The following MACROD2 variants were observed in gnomAD, a reference collection of about 807,000 sequenced individuals.
The protein encoded by MACROD2 is ADP-ribose glycohydrolase MACROD2.
A neutral mutation model predicts 70.4 loss-of-function variants in MACROD2; 36 were observed. The observed-to-expected ratio is 0.51, with a 90% CI of 0.39 to 0.68. MACROD2 has a LOEUF of 0.68. MACROD2 is among the 30% of genes least tolerant of loss of function. MACROD2 has a pLI of 0.00. For synonymous variants in MACROD2, 172 were observed against 178.8 expected (o/e 0.96, Z 0.30); for missense variants, 496 against 538.4 (o/e 0.92, Z 0.78).
chr20:15,667,731 G>C (rs551468569), intron 8 of MACROD2, among the ~76,000 whole-genome samples: 1 of 152,222 alleles, frequency 6.6e-6, no homozygotes, highest in East Asian at 1.9e-4. Flanking sequence ...TGTTGTTACT[G>C]TTGTTGAAAC....
intron 8 of MACROD2, among the ~76,000 whole-genome samples, chr20:15,854,484 T>A (rs1448496531): frequency 1.3e-5 from 2 of 152,150 alleles, no homozygotes; most frequent in African/African-American, 2.4e-5. Context: ...AGGTGAGGAC[T>A]CTAGTGCAAC....
At chr20:14,781,529 G>A (rs2123786545) in intron 5 of MACROD2, among the ~76,000 whole-genome samples, 1 of 149,772 alleles carries the variant, frequency 6.7e-6, no homozygotes, top group East Asian at 2.0e-4. Flanking sequence ...ATCTGTGTAT[G>A]GAGTGATTGG....
chr20:15,344,233 A>G (rs2078139726), intron 6 of MACROD2, among the ~76,000 whole-genome samples: 1 of 152,048 alleles, frequency 6.6e-6, no homozygotes, highest in Admixed American at 6.6e-5. Flanking sequence ...CCTACTTTGG[A>G]GGCTCTTCTC....
At chr20:16,038,430 C>T (rs1327020761) in intron 15 of MACROD2, among the ~76,000 whole-genome samples, 2 of 151,670 alleles carry the variant, frequency 1.3e-5, no homozygotes, top group Non-Finnish European at 2.9e-5. Flanking sequence ...ATTTAGGCTT[C>T]GTATCTTTTT....
chr20:14,178,425 TAGC>T (rs1046426868), intron 3 of MACROD2, among the ~76,000 whole-genome samples: 4 of 152,054 alleles, frequency 2.6e-5, no homozygotes, highest in African/African-American at 7.2e-5. Context: ...TATGAAAAAA[TAGC>T]AAAGTGCAAA....
intron 8 of MACROD2, among the ~76,000 whole-genome samples, chr20:15,725,996 T>TG (rs1241743080): frequency 4.6e-5 from 7 of 152,112 alleles, no homozygotes; most frequent in Non-Finnish European, 2.9e-5. Context: ...CTGTACATTA[T>TG]GGGGGTTTGA....
chr20:15,403,987 A>T (rs1170334086), intron 6 of MACROD2, among the ~76,000 whole-genome samples: 2 of 152,206 alleles, frequency 1.3e-5, no homozygotes, highest in Non-Finnish European at 1.5e-5. Context: ...TTCATTAAAG[A>T]TCTACTTCCA....
intron 4 of MACROD2, among the ~76,000 whole-genome samples, chr20:14,562,229 A>G (rs1979483721): frequency 6.6e-6 from 1 of 151,918 alleles, no homozygotes; most frequent in South Asian, 2.1e-4. Context: ...GTCTACATGG[A>G]AAGAGATTTG....
At chr20:15,911,790 G>A (rs1342117423) in intron 10 of MACROD2, among the ~76,000 whole-genome samples, 1 of 152,204 alleles carries the variant, frequency 6.6e-6, no homozygotes, top group Non-Finnish European at 1.5e-5. Context: ...TAAGAATAGG[G>A]CGTACAGGAA....
intron 8 of MACROD2, among the ~76,000 whole-genome samples, chr20:15,618,782 A>G (rs1417210884): frequency 6.6e-6 from 1 of 152,194 alleles, no homozygotes; most frequent in African/African-American, 2.4e-5. Flanking sequence ...CCCGGTGCCT[A>G]GACAGAGCTG....
chr20:14,205,391 G>A (rs6042582), intron 3 of MACROD2, among the ~76,000 whole-genome samples: 13 of 152,286 alleles, frequency 8.5e-5, no homozygotes, highest in African/African-American at 2.9e-4. Flanking sequence ...CCCCTCAGCC[G>A]AAAGAGGAGT....
intron 3 of MACROD2, among the ~76,000 whole-genome samples, chr20:14,430,580 A>T (rs2122926854): frequency 6.6e-6 from 1 of 152,296 alleles, no homozygotes; most frequent in African/African-American, 2.4e-5. Flanking sequence ...GGACGAACAT[A>T]TTTAAGTGAG....
At chr20:14,635,671 T>C (rs1284164021) in intron 4 of MACROD2, among the ~76,000 whole-genome samples, 1 of 152,240 alleles carries the variant, frequency 6.6e-6, no homozygotes, top group Non-Finnish European at 1.5e-5. Flanking sequence ...TTTCAGTCAG[T>C]GCTTTATTTT....
In MACROD2 at chr20:15,503,723, G is replaced by A. The variant is rs74612788; in HGVS notation, c.645+3876G>A. On this transcript the variant is annotated intron_variant, in intron 8 of 17. Transcript: ENST00000684519. ...TTTATTCTCATTCACCTGCTTACGC[G>A]TGGCCCCATCATGACTGTGTCTGTC... is the stretch of plus-strand genomic sequence containing the variant. Among the ~76,000 whole-genome samples, 30 of 152,014 alleles carry A rather than the reference G, an allele frequency of 2.0e-4. 1 individual carries two copies. The East Asian group carries it at 4.1e-3, about 21-fold the overall frequency.
At chr20:14,898,607 C>A (rs891620244) in intron 5 of MACROD2, among the ~76,000 whole-genome samples, 1 of 152,086 alleles carries the variant, frequency 6.6e-6, no homozygotes, top group Non-Finnish European at 1.5e-5. Context: ...CAAAAAAATA[C>A]AAAAATTAGC....
chr20:14,830,940 A>G (rs527591512), intron 5 of MACROD2, among the ~76,000 whole-genome samples: 2 of 152,264 alleles, frequency 1.3e-5, no homozygotes, highest in Non-Finnish European at 2.9e-5. Flanking sequence ...AAATAATCTT[A>G]ACTGGCTTTA....
chr20:14,654,195 C>T (rs760243923), intron 4 of MACROD2, among the ~76,000 whole-genome samples: 3 of 151,878 alleles, frequency 2.0e-5, no homozygotes, highest in Non-Finnish European at 4.4e-5. Context: ...TTGTAAACCA[C>T]TCTCATGGTA....
chr20:15,161,257 C>G (rs2076346351), intron 5 of MACROD2, among the ~76,000 whole-genome samples: 1 of 151,728 alleles, frequency 6.6e-6, no homozygotes, highest in African/African-American at 2.4e-5. Flanking sequence ...AAATCATTTG[C>G]AGGTCTTTTG....
rs567898976 is a variant in MACROD2, at chr20:14,770,015, C to T, written c.418+85056C>T. On this transcript the variant is annotated intron_variant, in intron 5 of 17. Transcript: ENST00000684519. The stretch of plus-strand genomic sequence containing the variant: ...TTAAAATATTTATTGACATGAAAAT[C>T]ATTTCATGAAATTCTAAATAAAAGA... Among the ~76,000 whole-genome samples, 4 of 151,912 alleles carry T rather than the reference C, an allele frequency of 2.6e-5. No homozygotes were observed. In the South Asian group the frequency reaches 8.3e-4, roughly 32 times the overall value.
Sources: allele counts gnomAD v4.1 joint callset (sites outside exome capture counted in the v4.1 genomes callset), GRCh38; gene constraint gnomAD v4.1.1; transcripts MANE v1.5; gene names NCBI Gene and HGNC (gene_info 2026-07-23, HGNC 2026-07-21).